Variants in GPATCH2 observed in about 807,000 individuals in gnomAD.
GPATCH2 encodes G-patch domain containing 2.
In GPATCH2, 51 loss-of-function variants were observed where a neutral mutation model predicts 58.0. The observed-to-expected ratio is 0.88, with a 90% CI of 0.70 to 1.11. The LOEUF is 1.11. Ranked by LOEUF, GPATCH2 falls within the 50% of genes most tolerant of loss-of-function variation. The pLI is 0.00. For missense variants in GPATCH2, 625 were observed against 652.2 expected, an observed-to-expected ratio of 0.96 and a Z score of 0.45; for synonymous variants, 222 against 218.5, an observed-to-expected ratio of 1.02 and a Z score of -0.14.
chr1:217,589,729 A>C (rs1451859372), intron 5 of GPATCH2, among the ~76,000 whole-genome samples: 1 of 152,306 alleles, frequency 6.6e-6, no homozygotes, highest in East Asian at 1.9e-4. Flanking sequence ...CTCAAGCACT[A>C]GGGTTTTCTT....
chr1:217,610,172 C>G (rs1275042208), intron 5 of GPATCH2, 149 bp downstream of exon 5: 9 of 1,577,820 alleles, frequency 5.7e-6, no homozygotes, highest in Non-Finnish European at 7.8e-6. Context: ...ATAGGGGAAT[C>G]TCACTGGTCC....
intron 9 of GPATCH2, 26 bp from the exon 10 acceptor site, chr1:217,431,391 A>T (rs756754141): frequency 8.6e-7 from 1 of 1,158,658 alleles, no homozygotes; most frequent in African/African-American, 1.5e-5. Flanking sequence ...AACAGCACAC[A>T]TTAATCAGTA....
chr1:217,592,344 T>C (rs935030505), intron 5 of GPATCH2, among the ~76,000 whole-genome samples: 1 of 152,000 alleles, frequency 6.6e-6, no homozygotes, highest in Non-Finnish European at 1.5e-5. Flanking sequence ...TCAAAACACG[T>C]TGATTTCAAA....
chr1:217,436,617 T>C (rs1658847064), intron 9 of GPATCH2, among the ~76,000 whole-genome samples: 2 of 152,256 alleles, frequency 1.3e-5, no homozygotes, highest in African/African-American at 4.8e-5. Context: ...TCGCACTTTG[T>C]ATATGGACAA....
intron 5 of GPATCH2, among the ~76,000 whole-genome samples, chr1:217,558,793 A>C (rs1665771130): frequency 6.6e-6 from 1 of 152,180 alleles, no homozygotes; most frequent in Non-Finnish European, 1.5e-5. Flanking sequence ...AAAAGGTTTT[A>C]AAAAATAAAA....
intron 5 of GPATCH2, among the ~76,000 whole-genome samples, chr1:217,568,363 C>T (rs1044122481): frequency 2.6e-5 from 4 of 152,064 alleles, no homozygotes; most frequent in Non-Finnish European, 5.9e-5. Context: ...TGTGCTAAGG[C>T]CATGGGCACA....
intron 5 of GPATCH2, among the ~76,000 whole-genome samples, chr1:217,592,815 A>C (rs546297980): frequency 6.6e-6 from 1 of 152,066 alleles, no homozygotes; most frequent in Admixed American, 6.5e-5. Context: ...ACTGCTATCA[A>C]CAGAAAATAA....
At chr1:217,511,056 C>T (rs969032230) in intron 6 of GPATCH2, among the ~76,000 whole-genome samples, 1 of 151,922 alleles carries the variant, frequency 6.6e-6, no homozygotes, top group East Asian at 1.9e-4. Context: ...GAGATCACGC[C>T]ACTGCACTCC....
chr1:217,568,082 A>C (rs1295104899), intron 5 of GPATCH2, among the ~76,000 whole-genome samples: 1 of 152,188 alleles, frequency 6.6e-6, no homozygotes, highest in Non-Finnish European at 1.5e-5. Context: ...GTGCCACTGC[A>C]CTCCAGCCTG....
At chr1:217,464,897 A>G (rs1660372771) in intron 8 of GPATCH2, among the ~76,000 whole-genome samples, 1 of 152,168 alleles carries the variant, frequency 6.6e-6, no homozygotes, top group Admixed American at 6.5e-5. Flanking sequence ...TAAGGTCCTT[A>G]GAGACCGTAA....
intron 8 of GPATCH2, among the ~76,000 whole-genome samples, chr1:217,457,313 T>C (rs1051733968): frequency 4.6e-5 from 7 of 152,260 alleles, no homozygotes; most frequent in African/African-American, 7.2e-5. Context: ...GAAGGCTTTT[T>C]ATCAGCCTTT....
intron 5 of GPATCH2, among the ~76,000 whole-genome samples, chr1:217,536,554 G>A (rs912840055): frequency 8.6e-5 from 13 of 151,940 alleles, no homozygotes; most frequent in Non-Finnish European, 8.8e-5. Context: ...AAATCCCATC[G>A]CAATTAAGGT....
rs946112676 is a variant in GPATCH2, at chr1:217,559,871, AGG to A, written c.1099-44984_1099-44983del. On this transcript the variant is annotated intron_variant, in intron 5 of 9. Coordinates refer to ENST00000366935, the MANE Select transcript of GPATCH2 (RefSeq NM_018040.5). The stretch of plus-strand genomic sequence containing the variant: ...GAGATCAAGAGACACAAAAATCCAG[AGG>A]GAGAGAGAGAGAGAGAGAGAGAGAG... 9.4e-5 allele frequency among the ~76,000 whole-genome samples: 14 copies of A among 149,290 alleles called. No homozygotes were observed. The East Asian group carries it at 1.6e-3, about 17-fold the overall frequency.
chr1:217,601,740 C>G (rs1668117672), intron 5 of GPATCH2, among the ~76,000 whole-genome samples: 1 of 152,144 alleles, frequency 6.6e-6, no homozygotes, highest in Non-Finnish European at 1.5e-5. Context: ...CATATTCTCT[C>G]CAATCAACTT....
chr1:217,433,009 T>C (rs1658617939), intron 9 of GPATCH2, among the ~76,000 whole-genome samples: 1 of 152,154 alleles, frequency 6.6e-6, no homozygotes, highest in African/African-American at 2.4e-5. Flanking sequence ...AATGGTCAGC[T>C]GTTGACATAA....
At chr1:217,586,535 TAAC>T (rs1211237687) in intron 5 of GPATCH2, among the ~76,000 whole-genome samples, 1 of 152,182 alleles carries the variant, frequency 6.6e-6, no homozygotes, top group African/African-American at 2.4e-5. Context: ...CATCCTGTGA[TAAC>T]AACGTCTTCT....
At chr1:217,439,736 C>T (rs907255166) in intron 9 of GPATCH2, among the ~76,000 whole-genome samples, 1 of 152,168 alleles carries the variant, frequency 6.6e-6, no homozygotes, top group Non-Finnish European at 1.5e-5. Flanking sequence ...AGTATAAACA[C>T]CTCTACGCAA....
chr1:217,465,774 G>T (rs940223463), intron 8 of GPATCH2, among the ~76,000 whole-genome samples: 2 of 152,074 alleles, frequency 1.3e-5, no homozygotes, highest in African/African-American at 4.8e-5. Flanking sequence ...CATGAAAACA[G>T]ACTAATATAT....
chr1:217,443,572 A>C (rs1383917335), intron 9 of GPATCH2, among the ~76,000 whole-genome samples: 1 of 152,096 alleles, frequency 6.6e-6, no homozygotes, highest in Non-Finnish European at 1.5e-5. Context: ...TTTTCCTTCC[A>C]TTCTAAAAAT....
Sources: gnomAD v4.1 joint callset for allele counts (sites outside exome capture counted in the v4.1 genomes callset) on GRCh38, gnomAD v4.1.1 for gene constraint, MANE v1.5 for transcripts, NCBI Gene and HGNC (gene_info 2026-07-23, HGNC 2026-07-21) for gene names.